The following TJP1 variants were observed in gnomAD, a reference collection of about 807,000 sequenced individuals.
TJP1 encodes the protein tight junction protein 1.
TJP1 carries 43 observed loss-of-function variants against 194.2 expected under a neutral mutation model. That is an observed-to-expected ratio of 0.22 (90% CI 0.17 to 0.29). The LOEUF (loss-of-function observed/expected upper bound fraction) is 0.29. TJP1 is among the 10% of genes least tolerant of loss of function. The pLI is 1.00. For missense variants in TJP1, 1,971 were observed against 2,185.7 expected (o/e 0.90, Z 1.96); for synonymous variants, 801 against 779.0 (o/e 1.03, Z -0.47).
chr15:29,718,914 A>T lies in TJP1; in HGVS notation c.3228T>A (p.His1076Gln). The T allele has an allele frequency of 6.2e-7, 1 of 1,614,130 alleles. No homozygotes were observed. The highest frequency in any genetic ancestry group is 8.5e-7 in the Non-Finnish European group (1 of 1,180,024). ...YTDQFSRNYEHRLRYEDRVPM... is the reference protein window; with the variant it reads ...YTDQFSRNYEQRLRYEDRVPM... Reference sequence around the variant, plus strand: ...GGACGCGATCTTCGTATCGCAGACGATGTTCATAGTTTCGAGAAAACTGGT... The same window carrying T: ...GGACGCGATCTTCGTATCGCAGACGTTGTTCATAGTTTCGAGAAAACTGGT... The change falls in exon 21 of 28, where the codon CAT becomes CAA. Residue 1076 changes from histidine (H) to glutamine (Q), a missense_variant. Coordinates refer to ENST00000614355, the MANE Select transcript of TJP1 (RefSeq NM_001330239.4).
chr15:29,924,242 T>C (rs2054456653), intron 2 of TJP1, among the ~76,000 whole-genome samples: 1 of 152,154 alleles, frequency 6.6e-6, no homozygotes, highest in Non-Finnish European at 1.5e-5. Flanking sequence ...ACCTAGCTAA[T>C]TTTTGTAGAG....
intron 2 of TJP1, among the ~76,000 whole-genome samples, chr15:29,861,118 A>G (rs1268126247): frequency 6.6e-6 from 1 of 152,188 alleles, no homozygotes; most frequent in Non-Finnish European, 1.5e-5. Context: ...TTGTGTGGAC[A>G]TATGTTTTCA....
In TJP1 at chr15:29,811,889, T is replaced by TGAAA. The variant is rs1209598727; in HGVS notation, c.27+10112_27+10113insTTTC. ...ATGAATGAATGAATGAATGAATGAA[T>TGAAA]GTCTTAAATAATCTACAGGCCAACC... On this transcript the variant is annotated intron_variant, in intron 1 of 27. Transcript: ENST00000614355. Among the ~76,000 whole-genome samples the TGAAA allele has an allele frequency of 2.6e-5, 4 of 152,200 alleles. No individual in the cohort carries two copies. In the East Asian group the frequency reaches 7.7e-4, roughly 29 times the overall value.
intron 2 of TJP1, among the ~76,000 whole-genome samples, chr15:29,840,223 C>T (rs1158185471): frequency 1.3e-5 from 2 of 152,172 alleles, no homozygotes; most frequent in Non-Finnish European, 2.9e-5. Context: ...GACTCTTTCC[C>T]AGAGCAAAGG....
At position 29,872,073 on chromosome 15, in the gene TJP1, C is replaced by T. The variant is rs556126158; in HGVS notation, c.307-71371G>A. On this transcript the variant is annotated intron_variant, in intron 2 of 28. Transcript: ENST00000356107. The stretch of plus-strand genomic sequence containing the variant: ...CAGGGTGGGCTGTGGAAGAAGAAAC[C>T]TCGTAGGCAGCGGGGGACACAATGG... 4.5e-3 allele frequency among the ~76,000 whole-genome samples: 679 copies of T among 152,226 alleles called. 2 individuals carry two copies. Among genetic ancestry groups the T allele is most frequent in the Non-Finnish European group, 7.3e-3 (498 of 68,018 alleles).
chr15:29,760,353 C>CA, intron 8 of TJP1: 1 of 666,738 alleles, frequency 1.5e-6, no homozygotes, highest in Non-Finnish European at 2.7e-6. Flanking sequence ...ACCAGTATAC[C>CA]AGAACCTTTG....
intron 8 of TJP1, chr15:29,760,174 T>C: frequency 1.4e-6 from 1 of 701,040 alleles, no homozygotes; most frequent in Non-Finnish European, 2.6e-6. Context: ...CAGTTAACCA[T>C]GGGTCAGGTG....
chr15:29,925,302 G>A (rs534842148), intron 2 of TJP1, among the ~76,000 whole-genome samples: 1 of 152,296 alleles, frequency 6.6e-6, no homozygotes, highest in Admixed American at 6.5e-5. Context: ...TGTTCCAGAT[G>A]TCACACAGCA....
chr15:29,897,561 T>C (rs137982065), intron 2 of TJP1, among the ~76,000 whole-genome samples: 44 of 152,202 alleles, frequency 2.9e-4, no homozygotes. Context: ...GACCCCAGAA[T>C]GGTAGATCCA....
At chr15:29,855,977 C>T (rs1027787852) in intron 2 of TJP1, among the ~76,000 whole-genome samples, 1 of 152,138 alleles carries the variant, frequency 6.6e-6, no homozygotes, top group Non-Finnish European at 1.5e-5. Context: ...CATACAGCTG[C>T]ACGAAGCATA....
intron 8 of TJP1, among the ~76,000 whole-genome samples, chr15:29,757,986 T>C (rs1216393215): frequency 6.6e-6 from 1 of 152,242 alleles, no homozygotes; most frequent in East Asian, 1.9e-4. Flanking sequence ...AAAACGAGGA[T>C]GAAGACCTTT....
In TJP1 at chr15:29,741,629, T is replaced by C. The variant is rs2044426678; in HGVS notation, c.1151-193A>G. On this transcript the variant is annotated intron_variant, in intron 9 of 27. Coordinates refer to ENST00000614355, the MANE Select transcript of TJP1 (RefSeq NM_001330239.4). Reference sequence around the variant, plus strand: ...AGTAGGTATGTTACACAGTCACCTGTGTTTTCCATAGTTCCAGCAATCAGA... The same window carrying C: ...AGTAGGTATGTTACACAGTCACCTGCGTTTTCCATAGTTCCAGCAATCAGA... Among the ~76,000 whole-genome samples the C allele has an allele frequency of 2.6e-5, 4 of 152,346 alleles. No homozygotes were observed. The South Asian group carries it at 8.3e-4, about 32-fold the overall frequency.
chr15:29,802,534 T>G (rs552006172), intron 1 of TJP1, among the ~76,000 whole-genome samples: 31 of 149,630 alleles, frequency 2.1e-4, no homozygotes, highest in African/African-American at 7.4e-4. Context: ...CACCAAAACC[T>G]CCCTTTAATG....
chr15:29,803,380 C>T (rs1174938274), intron 1 of TJP1, among the ~76,000 whole-genome samples: 1 of 152,096 alleles, frequency 6.6e-6, no homozygotes, highest in Non-Finnish European at 1.5e-5. Context: ...ATATTCAACA[C>T]TTTATTGTGA....
At chr15:29,911,573 G>A (rs983509679) in intron 2 of TJP1, among the ~76,000 whole-genome samples, 1 of 152,114 alleles carries the variant, frequency 6.6e-6, no homozygotes, top group Non-Finnish European at 1.5e-5. Context: ...TGGCCAGCAG[G>A]AGAGAGCAAA....
At chr15:29,891,866 T>C (rs139128458) in intron 2 of TJP1, among the ~76,000 whole-genome samples, 3 of 152,170 alleles carry the variant, frequency 2.0e-5, no homozygotes, top group Admixed American at 6.5e-5. Flanking sequence ...ATTAGGCCAA[T>C]TGATAACCCT....
chr15:29,785,452 C>A (rs1170134385), intron 2 of TJP1, among the ~76,000 whole-genome samples: 1 of 152,162 alleles, frequency 6.6e-6, no homozygotes, highest in African/African-American at 2.4e-5. Context: ...GCCTTTCACA[C>A]AAAAGGTCTG....
intron 2 of TJP1, 103 bp from the exon 3 acceptor site, chr15:29,773,460 AAT>A: frequency 8.6e-7 from 1 of 1,161,448 alleles, no homozygotes; most frequent in East Asian, 2.5e-5. Context: ...TTACAATCTT[AAT>A]ATATCTGTGA....
chr15:29,760,803 T>C (rs2045953440), intron 8 of TJP1, among the ~76,000 whole-genome samples: 1 of 152,364 alleles, frequency 6.6e-6, no homozygotes, highest in African/African-American at 2.4e-5. Flanking sequence ...TGCAATAGTA[T>C]GACAAACTGC....
Sources: gnomAD v4.1 joint callset for allele counts (sites outside exome capture counted in the v4.1 genomes callset) on GRCh38, gnomAD v4.1.1 for gene constraint, MANE v1.5 for transcripts, NCBI Gene and HGNC (gene_info 2026-07-23, HGNC 2026-07-21) for gene names.